KHNYN: variants seen among roughly 807,000 people sequenced by gnomAD.
KHNYN encodes protein KHNYN.
A neutral mutation model predicts 62.7 loss-of-function variants in KHNYN; 42 were observed. The observed-to-expected ratio is 0.67, with a 90% CI of 0.52 to 0.87. KHNYN has a LOEUF of 0.87. KHNYN is among the 40% of genes least tolerant of loss of function. The pLI is 0.00. For missense variants in KHNYN, 829 were observed against 874.1 expected, an observed-to-expected ratio of 0.95 and a Z score of 0.65; for synonymous variants, 347 against 345.6, an observed-to-expected ratio of 1.00 and a Z score of -0.04.
intron 5 of KHNYN, among the ~76,000 whole-genome samples, chr14:24,435,260 T>A (rs2043188311): frequency 1.3e-5 from 2 of 152,310 alleles, no homozygotes; most frequent in South Asian, 4.1e-4. Context: ...ATCTGATTAT[T>A]GATTTTAGCT....
At chr14:24,428,652 C>G, upstream of KHNYN, 2 of 1,338,340 alleles carry the variant, frequency 1.5e-6, no homozygotes, top group Non-Finnish European at 2.0e-6. Context: ...ATGTAGGAAG[C>G]TGTTTTCTTA....
Position 24,441,827 on chromosome 14 carries a change from C to T in KHNYN, c.*4542C>T. Reference sequence around the variant, plus strand: ...GAGAAACATGGGAAATAAAAAGCCACTAAATACATAAGTGCACATATCCCT... The same window carrying T: ...GAGAAACATGGGAAATAAAAAGCCATTAAATACATAAGTGCACATATCCCT... On this transcript the variant is annotated 3_prime_UTR_variant, in exon 8 of 8. Coordinates refer to ENST00000553935, the MANE Select transcript of KHNYN (RefSeq NM_015299.3). 4 of 1,595,934 alleles carry T rather than the reference C, an allele frequency of 2.5e-6. No individual in the cohort carries two copies. Among genetic ancestry groups the T allele is most frequent in the Non-Finnish European group, 3.4e-6 (4 of 1,171,808 alleles).
At chr14:24,428,460 G>T, upstream of KHNYN, 2 of 1,603,856 alleles carry the variant, frequency 1.2e-6, no homozygotes, top group South Asian at 1.1e-5. Context: ...TGGCTCAGGG[G>T]TACCATGGGG....
rs2043312885 is a variant in KHNYN at position 24,440,807 on chromosome 14, T to C, written c.*3522T>C. Reference sequence around the variant, plus strand: ...CCTGAGCGCACCACCACCTGGCGTGTAGAATCTCCAGGAAGCCTGGCTGCA... The same window carrying C: ...CCTGAGCGCACCACCACCTGGCGTGCAGAATCTCCAGGAAGCCTGGCTGCA... On this transcript the variant is annotated 3_prime_UTR_variant, in exon 8 of 8. Coordinates refer to ENST00000553935, the MANE Select transcript of KHNYN (RefSeq NM_015299.3). The C allele has an allele frequency of 6.2e-7, 1 of 1,613,866 alleles. No individual in the cohort carries two copies. The highest frequency in any genetic ancestry group is 1.3e-5 in the African/African-American group (1 of 74,912).
At position 24,440,795 on chromosome 14, in the gene KHNYN, C is replaced by G. The variant is rs1293243604; in HGVS notation, c.*3510C>G. ...GCCCGTTTCTCACCTGAGCGCACCA[C>G]CACCTGGCGTGTAGAATCTCCAGGA... is the stretch of plus-strand genomic sequence containing the variant. On this transcript the variant is annotated 3_prime_UTR_variant, in exon 8 of 8. Transcript: ENST00000553935. 2 of 1,613,976 alleles carry G rather than the reference C, an allele frequency of 1.2e-6. No individual in the cohort carries two copies. The highest frequency in any genetic ancestry group is 1.7e-6 in the Non-Finnish European group (2 of 1,179,854).
At position 24,439,975 on chromosome 14, in the gene KHNYN, G is replaced by T; in HGVS notation, c.*2690G>T. The T allele has an allele frequency of 1.2e-6, 1 of 846,718 alleles. No homozygotes were observed. The highest frequency in any genetic ancestry group is 1.8e-6 in the Non-Finnish European group (1 of 556,858). The allele number at this position is 846,718 out of a possible 1,614,324, so 52.5% of individuals were successfully genotyped here. On this transcript the variant is annotated 3_prime_UTR_variant, in exon 8 of 8. Transcript: ENST00000553935. ...ACAATGGGAAAGAGGACTGGGAGAGGAATCTAAGAACCAGATGGCTTCAGC... is the reference window on the plus strand; with the variant it reads ...ACAATGGGAAAGAGGACTGGGAGAGTAATCTAAGAACCAGATGGCTTCAGC...
At chr14:24,434,625 G>C (rs770797015) in intron 5 of KHNYN, among the ~76,000 whole-genome samples, 1 of 152,140 alleles carries the variant, frequency 6.6e-6, no homozygotes, top group Non-Finnish European at 1.5e-5. Flanking sequence ...GGGTGGTCTT[G>C]ATTTCCTGAC....
rs747073988 is a variant in KHNYN, at chr14:24,432,045, CAG to C, written c.785_786del (p.Gln262ArgfsTer62). 6.3e-7 allele frequency: 1 copy of C among 1,595,978 alleles called. No homozygotes were observed. Among genetic ancestry groups the C allele is most frequent in the Non-Finnish European group, 8.6e-7 (1 of 1,169,272 alleles). Reference protein sequence around the residue: ...TYAVEKEGGKQGGPREMDWGW... With the variant: ...TYAVEKEGGKXGGPREMDWGW... ...CGCTGTGGAGAAGGAGGGAGGGAAA[CAG>C]GGTGGTCCCAGGGAGATGGATTGGG... On this transcript the variant is annotated frameshift_variant, in exon 3 of 8. Transcript: ENST00000553935. LOFTEE classifies it high-confidence loss of function. The surrounding 1 kb of genome is among the most constrained non-coding windows in gnomAD (Gnocchi z 5.6).
upstream of KHNYN, chr14:24,429,060 AG>A: frequency 6.7e-7 from 1 of 1,489,022 alleles, no homozygotes; most frequent in African/African-American, 1.4e-5. Flanking sequence ...AACATGGCTG[AG>A]GGGCTCTGCA....
chr14:24,432,283 C>T lies in KHNYN; in HGVS notation c.1022C>T (p.Ala341Val), dbSNP rs2043132671. Residue 341 changes from alanine (A) to valine (V), a missense_variant, in exon 3 of 8, where the codon GCC (alanine) becomes GTC (valine). Around this residue, in one of 2 missense-constraint regions of KHNYN, gnomAD observed 559 missense variants for 527.0 expected, o/e 1.06. Coordinates refer to ENST00000553935, the MANE Select transcript of KHNYN (RefSeq NM_015299.3). This position sits in a 1 kb window ranked among gnomAD's most constrained non-coding sequence, Gnocchi z 5.6. ...SCHRAAQSRG[A>V]SLLQRLHNGN... ...CACAGGGCAGCTCAGTCCCGAGGAG[C>T]CTCCCTCCTCCAGCGGCTCCACAAT... 6.2e-7 allele frequency: 1 copy of T among 1,613,732 alleles called. No individual in the cohort carries two copies. The highest frequency in any genetic ancestry group is 8.5e-7 in the Non-Finnish European group (1 of 1,179,852).
At chr14:24,427,834 A>G (rs988288490), upstream of KHNYN, 23 of 1,613,922 alleles carry the variant, frequency 1.4e-5, no homozygotes, top group Non-Finnish European at 1.8e-5. This position sits in a 1 kb window ranked among gnomAD's most constrained non-coding sequence, Gnocchi z 4.4. Context: ...AGTATTTCCA[A>G]CCACCCAGTA....
rs781026340 is a variant in KHNYN at position 24,436,383 on chromosome 14, T to C, written c.1686-5T>C. ...TGTGACCACACATTATCTTTCGCCA[T>C]CCAGCCTGCTGCCCTTTACCTTTGT... is the stretch of plus-strand genomic sequence containing the variant. On this transcript the variant is annotated splice_polypyrimidine_tract_variant and splice_region_variant and intron_variant, in intron 6 of 7. Coordinates refer to ENST00000553935, the MANE Select transcript of KHNYN (RefSeq NM_015299.3). 17 of 1,613,640 alleles carry C rather than the reference T, an allele frequency of 1.1e-5. No individual in the cohort carries two copies. The Admixed American group carries it at 1.2e-4, about 11-fold the overall frequency.
rs2043338577 is a variant in KHNYN, at chr14:24,441,545, A to C, written c.*4260A>C. 1.4e-6 allele frequency: 1 copy of C among 723,584 alleles called. No individual in the cohort carries two copies. Among genetic ancestry groups the C allele is most frequent in the African/African-American group, 1.8e-5 (1 of 57,140 alleles). The allele number at this position is 723,584 out of a possible 1,614,324, so 44.8% of individuals were successfully genotyped here. A position where few individuals can be genotyped will look rare whatever the true frequency, so the allele number is the denominator to read the frequency against. ...TACACAAAGGTTAGGAGAAACATGCATGGATCAAGGGCCTAGGAAGTCATT... is the reference window on the plus strand; with the variant it reads ...TACACAAAGGTTAGGAGAAACATGCCTGGATCAAGGGCCTAGGAAGTCATT... On this transcript the variant is annotated 3_prime_UTR_variant, in exon 8 of 8. Coordinates refer to ENST00000553935, the MANE Select transcript of KHNYN (RefSeq NM_015299.3).
In KHNYN at chr14:24,441,101, T is replaced by C; in HGVS notation, c.*3816T>C. ...TCCATGACCTGAAGCGTTCCTTCCCTGGAGGAACTCTGGTTGCAGGGCTAA... is the reference window on the plus strand; with the variant it reads ...TCCATGACCTGAAGCGTTCCTTCCCCGGAGGAACTCTGGTTGCAGGGCTAA... On this transcript the variant is annotated 3_prime_UTR_variant, in exon 8 of 8. Coordinates refer to ENST00000553935, the MANE Select transcript of KHNYN (RefSeq NM_015299.3). 1.5e-6 allele frequency: 1 copy of C among 657,666 alleles called. No individual in the cohort carries two copies. Among genetic ancestry groups the C allele is most frequent in the Non-Finnish European group, 2.6e-6 (1 of 378,558 alleles). 40.7% of individuals were successfully genotyped at this position (657,666 alleles called of 1,614,324 possible).
At position 24,440,673 on chromosome 14, in the gene KHNYN, G is replaced by A; in HGVS notation, c.*3388G>A. 1 of 1,436,800 alleles carries A rather than the reference G, an allele frequency of 7.0e-7. No individual in the cohort carries two copies. The highest frequency in any genetic ancestry group is 9.6e-7 in the Non-Finnish European group (1 of 1,042,402). 89.0% of individuals were successfully genotyped at this position (1,436,800 alleles called of 1,614,324 possible). A position where few individuals can be genotyped will look rare whatever the true frequency, so the allele number is the denominator to read the frequency against. On this transcript the variant is annotated 3_prime_UTR_variant, in exon 8 of 8. Coordinates refer to ENST00000553935, the MANE Select transcript of KHNYN (RefSeq NM_015299.3). Reference sequence around the variant, plus strand: ...TCTCATCTGCAGGTTGGCTAGAAGTGGTGGCATCCTCTCACTCTGTAATTG... The same window carrying A: ...TCTCATCTGCAGGTTGGCTAGAAGTAGTGGCATCCTCTCACTCTGTAATTG...
At position 24,441,842 on chromosome 14, in the gene KHNYN, C is replaced by T; in HGVS notation, c.*4557C>T. Reference sequence around the variant, plus strand: ...TAAAAAGCCACTAAATACATAAGTGCACATATCCCTCTCTCTGTCTTTTCC... The same window carrying T: ...TAAAAAGCCACTAAATACATAAGTGTACATATCCCTCTCTCTGTCTTTTCC... On this transcript the variant is annotated 3_prime_UTR_variant, in exon 8 of 8. Coordinates refer to ENST00000553935, the MANE Select transcript of KHNYN (RefSeq NM_015299.3). The T allele has an allele frequency of 1.9e-6, 3 of 1,578,530 alleles. No individual in the cohort carries two copies. The highest frequency in any genetic ancestry group is 2.6e-6 in the Non-Finnish European group (3 of 1,161,812).
At chr14:24,428,362 G>A (rs1364393045), upstream of KHNYN, 1 of 1,613,930 alleles carries the variant, frequency 6.2e-7, no homozygotes, top group Admixed American at 1.7e-5. Flanking sequence ...GGCTACGAAG[G>A]AGCCAGAGGC....
chr14:24,429,154 G>C (rs2043059384), upstream of KHNYN: 10 of 1,261,846 alleles, frequency 7.9e-6, no homozygotes, highest in Non-Finnish European at 1.1e-5. Flanking sequence ...CTGATCGTCT[G>C]CCCTCTCTAG....
upstream of KHNYN, among the ~76,000 whole-genome samples, chr14:24,424,539 T>C (rs982178180): frequency 6.6e-6 from 1 of 152,200 alleles, no homozygotes; most frequent in Non-Finnish European, 1.5e-5. Flanking sequence ...AAATATGCAA[T>C]TCAGGTTGTG....
Sources: allele counts gnomAD v4.1 joint callset (sites outside exome capture counted in the v4.1 genomes callset), GRCh38; gene constraint gnomAD v4.1.1; regional missense constraint gnomAD v4.1.1; non-coding constraint Gnocchi (gnomAD v3.1); transcripts MANE v1.5; gene names NCBI Gene and HGNC (gene_info 2026-07-23, HGNC 2026-07-21).